The following TXNDC9 variants were observed in gnomAD, a reference collection of about 807,000 sequenced individuals.
TXNDC9 encodes thioredoxin domain containing 9, also known as thioredoxin domain-containing protein 9.
In TXNDC9, 7 loss-of-function variants were observed where a neutral mutation model predicts 23.0. That is an observed-to-expected ratio of 0.30 (90% confidence interval 0.17 to 0.57). The LOEUF (loss-of-function observed/expected upper bound fraction) is 0.57. Ranked by LOEUF, TXNDC9 falls within the 20% of genes least tolerant of loss-of-function variation. TXNDC9 has a pLI of 0.90. For synonymous variants in TXNDC9, 72 were observed against 90.6 expected, an observed-to-expected ratio of 0.79 and a Z score of 1.17; for missense variants, 198 against 252.6, an observed-to-expected ratio of 0.78 and a Z score of 1.47.
chr2:99,322,910 T>C (rs561033796), intron 3 of TXNDC9, among the ~76,000 whole-genome samples: 1 of 152,044 alleles, frequency 6.6e-6, no homozygotes, highest in Non-Finnish European at 1.5e-5. Flanking sequence ...TACAGGCGCC[T>C]GCCACCATGC....
chr2:99,314,274 T>C (rs2094183606), downstream of TXNDC9, among the ~76,000 whole-genome samples: 2 of 152,176 alleles, frequency 1.3e-5, no homozygotes, highest in Non-Finnish European at 1.5e-5. Flanking sequence ...AATGCTTCTT[T>C]GGCCCTCCAT....
chr2:99,309,246 G>A, the TXNDC9 span, among the ~76,000 whole-genome samples: 13 of 151,786 alleles, frequency 8.6e-5, no homozygotes, highest in African/African-American at 2.9e-4. Context: ...GGTGGCACAC[G>A]ATTGTAATCC....
the TXNDC9 span, among the ~76,000 whole-genome samples, chr2:99,307,122 TTCTC>T: frequency 2.3e-4 from 25 of 108,036 alleles, no homozygotes; most frequent in Non-Finnish European, 3.1e-4. Context: ...CTCTCTCTCT[TTCTC>T]TCTCTCTCTT....
At chr2:99,332,153 T>C (rs1228021411) in intron 2 of TXNDC9, among the ~76,000 whole-genome samples, 1 of 152,192 alleles carries the variant, frequency 6.6e-6, no homozygotes, top group Non-Finnish European at 1.5e-5. Context: ...TTAATCAAAA[T>C]TCAATTTGGC....
the TXNDC9 span, among the ~76,000 whole-genome samples, chr2:99,313,544 G>A: frequency 1.3e-5 from 2 of 152,138 alleles, no homozygotes; most frequent in African/African-American, 4.8e-5. Context: ...AAGCTGAGGT[G>A]GGAGGATCAC....
downstream of TXNDC9, among the ~76,000 whole-genome samples, chr2:99,314,136 C>A (rs2094183332): frequency 6.6e-6 from 1 of 151,596 alleles, no homozygotes; most frequent in Non-Finnish European, 1.5e-5. Context: ...TGCTTGATGA[C>A]CTTCACATGG....
At chr2:99,334,192 A>G (rs2094233048) in intron 1 of TXNDC9, among the ~76,000 whole-genome samples, 1 of 152,128 alleles carries the variant, frequency 6.6e-6, no homozygotes, top group Admixed American at 6.5e-5. Context: ...CTCTACTAAA[A>G]ATAGAAAAAT....
At chr2:99,307,016 T>TCCCCCCC in the TXNDC9 span, among the ~76,000 whole-genome samples, 1 of 82,520 alleles carries the variant, frequency 1.2e-5, no homozygotes, top group East Asian at 4.5e-4. Context: ...CCTCCCTCCC[T>TCCCCCCC]TCCTTCCTTC....
At chr2:99,333,782 T>C (rs546337838) in intron 1 of TXNDC9, among the ~76,000 whole-genome samples, 1 of 152,322 alleles carries the variant, frequency 6.6e-6, no homozygotes, top group Non-Finnish European at 1.5e-5. Flanking sequence ...TCATTACCAT[T>C]TATGTAAAGA....
At chr2:99,317,074 T>C (rs1051597667), downstream of TXNDC9, among the ~76,000 whole-genome samples, 1 of 152,192 alleles carries the variant, frequency 6.6e-6, no homozygotes, top group African/African-American at 2.4e-5. Context: ...CCTTTTAAAT[T>C]CCTTTCTTTG....
chr2:99,312,618 G>C, the TXNDC9 span, among the ~76,000 whole-genome samples: 1 of 152,098 alleles, frequency 6.6e-6, no homozygotes, highest in Non-Finnish European at 1.5e-5. Context: ...TGGCTGTACA[G>C]GTAAATGGGA....
chr2:99,328,529 G>A (rs2094218076), intron 2 of TXNDC9, among the ~76,000 whole-genome samples: 1 of 152,162 alleles, frequency 6.6e-6, no homozygotes, highest in East Asian at 1.9e-4. Flanking sequence ...ACCTGTCTTT[G>A]TAGCTTAAAA....
intron 3 of TXNDC9, 47 bp downstream of exon 3, chr2:99,327,488 A>G: frequency 7.3e-7 from 1 of 1,362,572 alleles, no homozygotes; most frequent in Non-Finnish European, 1.0e-6. Flanking sequence ...CAGCCAAACA[A>G]TTCACTGTGT....
At chr2:99,327,015 A>C (rs1574907503) in intron 3 of TXNDC9, among the ~76,000 whole-genome samples, 1 of 152,220 alleles carries the variant, frequency 6.6e-6, no homozygotes, top group East Asian at 1.9e-4. Context: ...AGTAATATTC[A>C]TTTATACTTT....
downstream of TXNDC9, among the ~76,000 whole-genome samples, chr2:99,316,012 T>C (rs1288721239): frequency 6.6e-6 from 1 of 152,184 alleles, no homozygotes; most frequent in African/African-American, 2.4e-5. Flanking sequence ...TTTGTTTTTT[T>C]GAATTTGTTG....
intron 2 of TXNDC9, among the ~76,000 whole-genome samples, chr2:99,332,100 T>C (rs944808504): frequency 3.9e-5 from 6 of 152,226 alleles, no homozygotes; most frequent in Non-Finnish European, 7.4e-5. Context: ...GGAACCAGAG[T>C]TGGTGATAAA....
chr2:99,327,480 G>T, intron 3 of TXNDC9, 55 bp downstream of exon 3: 1 of 1,296,434 alleles, frequency 7.7e-7, no homozygotes, highest in Non-Finnish European at 1.1e-6. Flanking sequence ...TATATCTCCA[G>T]CCAAACAATT....
intron 3 of TXNDC9, among the ~76,000 whole-genome samples, chr2:99,326,001 ACT>A (rs1453668478): frequency 6.6e-6 from 1 of 151,384 alleles, no homozygotes; most frequent in Admixed American, 6.6e-5. Context: ...ACAGTGTAAG[ACT>A]CTGTCTCAAA....
At chr2:99,324,644 G>A (rs2094209483) in intron 3 of TXNDC9, among the ~76,000 whole-genome samples, 1 of 152,056 alleles carries the variant, frequency 6.6e-6, no homozygotes, top group Non-Finnish European at 1.5e-5. Context: ...CACGACCTCT[G>A]CTCACTGCAA....
Sources: gnomAD v4.1 joint callset for allele counts (sites outside exome capture counted in the v4.1 genomes callset) on GRCh38, gnomAD v4.1.1 for gene constraint, MANE v1.5 for transcripts, NCBI Gene and HGNC (gene_info 2026-07-23, HGNC 2026-07-21) for gene names.